TGFB2: variants seen among roughly 807,000 people sequenced by gnomAD.
The protein encoded by TGFB2 is transforming growth factor beta-2 proprotein.
A neutral mutation model predicts 42.7 loss-of-function variants in TGFB2; 13 were observed. That is an observed-to-expected ratio of 0.30 (90% CI 0.20 to 0.48). The LOEUF is 0.48. Among genes scored for constraint, TGFB2 ranks in the 20% least tolerant of loss-of-function variants. The pLI is 0.99. For missense variants in TGFB2, 390 were observed against 517.5 expected, an observed-to-expected ratio of 0.75 and a Z score of 2.39; for synonymous variants, 193 against 193.6, an observed-to-expected ratio of 1.00 and a Z score of 0.03.
chr1:218,349,884 A>G (rs1299844216), intron 1 of TGFB2, among the ~76,000 whole-genome samples: 3 of 152,218 alleles, frequency 2.0e-5, no homozygotes, highest in East Asian at 3.8e-4. Flanking sequence ...GAATGTATTT[A>G]TGGGATATAA....
At chr1:218,429,951 G>T (rs1297458961) in intron 2 of TGFB2, among the ~76,000 whole-genome samples, 1 of 152,192 alleles carries the variant, frequency 6.6e-6, no homozygotes, top group African/African-American at 2.4e-5. Context: ...GAGTGGAAGT[G>T]CTTGGAGAGT....
chr1:218,401,591 T>C (rs1658721967), intron 1 of TGFB2, among the ~76,000 whole-genome samples: 1 of 151,862 alleles, frequency 6.6e-6, no homozygotes. Context: ...AGGATGTGAG[T>C]GTGGATAAGT....
rs5742078 is a variant in TGFB2 at position 218,421,373 on chromosome 1, GTT to G, written c.511-12695_511-12694del. On this transcript the variant is annotated intron_variant, in intron 2 of 6. Transcript: ENST00000366930. ...GATGTGTTTAAAATTCCAAGAAGCA[GTT>G]TTTTTTTTTTTTTATCACTATAAAA... 9.2e-3 allele frequency among the ~76,000 whole-genome samples: 1,349 copies of G among 145,972 alleles called. 25 individuals are homozygous for G. The highest frequency in any genetic ancestry group is 0.032 in the African/African-American group (1,285 of 39,850).
chr1:218,416,879 G>A (rs965616593), intron 2 of TGFB2, among the ~76,000 whole-genome samples: 1 of 152,184 alleles, frequency 6.6e-6, no homozygotes, highest in African/African-American at 2.4e-5. Context: ...GTGGTCCCCC[G>A]CACAAGCTCT....
rs541100949 is a variant in TGFB2, at chr1:218,392,348, G to T, written c.347-12821G>T. On this transcript the variant is annotated intron_variant, in intron 1 of 6. Coordinates refer to ENST00000366930, the MANE Select transcript of TGFB2 (RefSeq NM_003238.6). ...AGCCTGGACGACAGAGCAAGACTCC[G>T]TCTCAAAACAAACAAACAAACAAAC... Among the ~76,000 whole-genome samples, 5 of 152,148 alleles carry T rather than the reference G, an allele frequency of 3.3e-5. No individual in the cohort carries two copies. The East Asian group carries it at 9.7e-4, about 29-fold the overall frequency.
chr1:218,354,898 G>A (rs1412265324), intron 1 of TGFB2, among the ~76,000 whole-genome samples: 1 of 152,192 alleles, frequency 6.6e-6, no homozygotes, highest in Non-Finnish European at 1.5e-5. Context: ...TAAGACTTTG[G>A]TTGTTTCTGT....
intron 1 of TGFB2, among the ~76,000 whole-genome samples, chr1:218,357,598 A>ACC (rs1657080748): frequency 1.3e-5 from 2 of 152,198 alleles, no homozygotes; most frequent in Non-Finnish European, 1.5e-5. Flanking sequence ...ATAAGTCAGA[A>ACC]ATGTTTGGCT....
chr1:218,354,828 G>T (rs181456239), intron 1 of TGFB2, among the ~76,000 whole-genome samples: 44 of 151,596 alleles, frequency 2.9e-4, no homozygotes, highest in African/African-American at 1.0e-3. Flanking sequence ...TTTTTTTCTT[G>T]CCTCTTAACA....
chr1:218,399,371 C>T (rs1658636203), intron 1 of TGFB2, among the ~76,000 whole-genome samples: 1 of 152,004 alleles, frequency 6.6e-6, no homozygotes, highest in African/African-American at 2.4e-5. Context: ...TCATGTATCA[C>T]ATGAATATAT....
Position 218,441,490 on chromosome 1 carries a change from A to G in TGFB2, c.*128A>G. 9.4e-6 allele frequency: 9 copies of G among 958,932 alleles called. No individual in the cohort carries two copies. Among genetic ancestry groups the G allele is most frequent in the Non-Finnish European group, 1.3e-5 (9 of 677,592 alleles). The allele number at this position is 958,932 out of a possible 1,614,324, so 59.4% of individuals were successfully genotyped here. A position where few individuals can be genotyped will look rare whatever the true frequency, so the allele number is the denominator to read the frequency against. On this transcript the variant is annotated 3_prime_UTR_variant, in exon 7 of 7. Transcript: ENST00000366930. ...GTTCATCAGTGTTAAAAAATTTTTGAAAAGGCGGTACTAGTTCAGACACTT... is the reference window on the plus strand; with the variant it reads ...GTTCATCAGTGTTAAAAAATTTTTGGAAAGGCGGTACTAGTTCAGACACTT...
chr1:218,382,126 A>G (rs1397688308), intron 1 of TGFB2, among the ~76,000 whole-genome samples: 2 of 152,148 alleles, frequency 1.3e-5, no homozygotes, highest in African/African-American at 4.8e-5. Context: ...AATTTTATGA[A>G]GTATTTTTGT....
At chr1:218,401,834 C>T (rs116811962) in intron 1 of TGFB2, among the ~76,000 whole-genome samples, 4,618 of 152,264 alleles carry the variant, frequency 0.03, 88 homozygotes, top group Middle Eastern at 0.068. Context: ...TGCCGCGTCC[C>T]GACTGGGCAT....
At chr1:218,440,052 C>A (rs1660102481) in intron 6 of TGFB2, among the ~76,000 whole-genome samples, 1 of 152,176 alleles carries the variant, frequency 6.6e-6, no homozygotes, top group African/African-American at 2.4e-5. Flanking sequence ...CTACATACTT[C>A]CATTAGTAAA....
chr1:218,365,222 A>G (rs544047197), intron 1 of TGFB2, among the ~76,000 whole-genome samples: 4 of 151,790 alleles, frequency 2.6e-5, no homozygotes, highest in Non-Finnish European at 4.4e-5. Flanking sequence ...TACCACAGAG[A>G]CCCCAAACTT....
At chr1:218,429,259 G>A (rs1353263965) in intron 2 of TGFB2, among the ~76,000 whole-genome samples, 1 of 152,180 alleles carries the variant, frequency 6.6e-6, no homozygotes, top group Non-Finnish European at 1.5e-5. Context: ...GGGATTACAG[G>A]CGTGAGCCAC....
At chr1:218,440,571 A>C (rs75197159) in intron 6 of TGFB2, among the ~76,000 whole-genome samples, 3,242 of 152,314 alleles carry the variant, frequency 0.021, 133 homozygotes, top group African/African-American at 0.075. Flanking sequence ...TTCACATTGC[A>C]TACAGGTGTC....
chr1:218,382,924 T>A (rs1040230091), intron 1 of TGFB2, among the ~76,000 whole-genome samples: 1 of 152,238 alleles, frequency 6.6e-6, no homozygotes, highest in African/African-American at 2.4e-5. Context: ...TATGGAGGTA[T>A]GAGGTGGTGT....
chr1:218,381,453 A>G (rs1225008872), intron 1 of TGFB2, among the ~76,000 whole-genome samples: 1 of 151,782 alleles, frequency 6.6e-6, no homozygotes, highest in African/African-American at 2.4e-5. Flanking sequence ...ACGGGGTTTC[A>G]CCTTGTTAGC....
rs551773582 is a variant in TGFB2, at chr1:218,396,571, G to A, written c.347-8598G>A. Among the ~76,000 whole-genome samples, 7 of 151,520 alleles carry A rather than the reference G, an allele frequency of 4.6e-5. No homozygotes were observed. The East Asian group carries it at 1.4e-3, about 30-fold the overall frequency. ...TTTTTTTTAATCTTCTAAATTTTTA[G>A]AAAATTATTTTTATATTGAGTCAAA... On this transcript the variant is annotated intron_variant, in intron 1 of 6. Transcript: ENST00000366930.
Sources: allele counts gnomAD v4.1 joint callset (sites outside exome capture counted in the v4.1 genomes callset), GRCh38; gene constraint gnomAD v4.1.1; transcripts MANE v1.5; gene names NCBI Gene and HGNC (gene_info 2026-07-23, HGNC 2026-07-21).